Variants in CNTNAP5 observed in about 807,000 individuals in gnomAD.
CNTNAP5 encodes the protein contactin-associated protein-like 5.
Under a neutral mutation model 150.2 loss-of-function variants are expected in CNTNAP5, and 72 were observed. That is an observed-to-expected ratio of 0.48 (90% CI 0.40 to 0.58). The LOEUF is 0.58. Ranked by LOEUF, CNTNAP5 falls within the 20% of genes least tolerant of loss-of-function variation. The pLI, the probability that CNTNAP5 is intolerant of heterozygous loss-of-function variation, is 0.00. For synonymous variants in CNTNAP5, 672 were observed against 619.8 expected, an observed-to-expected ratio of 1.08 and a Z score of -1.25; for missense variants, 1,636 against 1,626.2, an observed-to-expected ratio of 1.01 and a Z score of -0.10.
At chr2:124,372,132 T>G (rs972320633) in intron 3 of CNTNAP5, among the ~76,000 whole-genome samples, 12 of 151,988 alleles carry the variant, frequency 7.9e-5, no homozygotes, top group African/African-American at 2.9e-4. Flanking sequence ...CAGCGCTTCC[T>G]CTCTATCTTC....
At chr2:124,324,075 A>G (rs985695525) in intron 3 of CNTNAP5, among the ~76,000 whole-genome samples, 2 of 152,220 alleles carry the variant, frequency 1.3e-5, no homozygotes, top group Non-Finnish European at 2.9e-5. Context: ...TTGTCTTTTT[A>G]AAGACTTGAC....
chr2:124,480,930 T>G (rs1397361547), intron 7 of CNTNAP5, among the ~76,000 whole-genome samples: 1 of 152,178 alleles, frequency 6.6e-6, no homozygotes, highest in Non-Finnish European at 1.5e-5. Flanking sequence ...TTCAAGGTCA[T>G]ATGAAGAATA....
intron 1 of CNTNAP5, among the ~76,000 whole-genome samples, chr2:124,171,039 T>A (rs974694632): frequency 1.3e-5 from 2 of 152,194 alleles, no homozygotes; most frequent in Non-Finnish European, 2.9e-5. Context: ...TTGATTTTAT[T>A]TTTTATTCAT....
At chr2:124,494,068 GTGTGTGTGTGTGTC>G (rs1311142697) in intron 7 of CNTNAP5, among the ~76,000 whole-genome samples, 1 of 148,274 alleles carries the variant, frequency 6.7e-6, no homozygotes, top group Non-Finnish European at 1.5e-5. Flanking sequence ...GAGACTGTGT[GTGTGTGTGTGTGTC>G]TGTGTGTGTG....
Position 124,902,821 on chromosome 2 carries a change from A to G in CNTNAP5, c.3437-61A>G. On this transcript the variant is annotated intron_variant, in intron 21 of 23. Coordinates refer to ENST00000682447, the MANE Select transcript of CNTNAP5 (RefSeq NM_001367498.1). Reference sequence around the variant, plus strand: ...TTTAGATACTACTCAAAGAGGACCCAGCATATAATTTGGAAAAAACAAAAA... The same window carrying G: ...TTTAGATACTACTCAAAGAGGACCCGGCATATAATTTGGAAAAAACAAAAA... 6 of 1,180,248 alleles carry G rather than the reference A, an allele frequency of 5.1e-6. No homozygotes were observed. In the South Asian group the frequency reaches 8.9e-5, roughly 18 times the overall value. The allele number at this position is 1,180,248 out of a possible 1,614,324, so 73.1% of individuals were successfully genotyped here.
intron 15 of CNTNAP5, 58 bp downstream of exon 15, chr2:124,763,857 T>G (rs1413252682): frequency 1.9e-6 from 3 of 1,609,018 alleles, no homozygotes; most frequent in Non-Finnish European, 2.5e-6. Context: ...AAGATGTTCT[T>G]ACTCCCTTAT....
Position 124,764,278 on chromosome 2 carries a change from T to C in CNTNAP5, c.2533+131T>C, listed in dbSNP as rs151291397. The C allele has an allele frequency of 6.1e-5, 42 of 682,936 alleles. No homozygotes were observed. In the Admixed American group the frequency reaches 1.1e-3, roughly 17 times the overall value. The allele number at this position is 682,936 out of a possible 1,614,324, so 42.3% of individuals were successfully genotyped here. A position where few individuals can be genotyped will look rare whatever the true frequency, so the allele number is the denominator to read the frequency against. ...CACTGGACATCTGTAAAATTAGCAG[T>C]GATAATGTCTAGTTCCTTCTGATGC... is the stretch of plus-strand genomic sequence containing the variant. On this transcript the variant is annotated intron_variant, in intron 16 of 23. Coordinates refer to ENST00000682447, the MANE Select transcript of CNTNAP5 (RefSeq NM_001367498.1).
At chr2:124,579,484 G>A (rs1696364044) in intron 11 of CNTNAP5, among the ~76,000 whole-genome samples, 1 of 152,208 alleles carries the variant, frequency 6.6e-6, no homozygotes, top group African/African-American at 2.4e-5. Flanking sequence ...CGTAGAGACT[G>A]CTTAGCTAAA....
chr2:124,132,727 T>C (rs1490624937), intron 1 of CNTNAP5, among the ~76,000 whole-genome samples: 1 of 152,176 alleles, frequency 6.6e-6, no homozygotes, highest in Non-Finnish European at 1.5e-5. Flanking sequence ...TCATTTCAAT[T>C]TTCTCACCTG....
chr2:124,638,113 G>A (rs1333882094), intron 12 of CNTNAP5, among the ~76,000 whole-genome samples: 1 of 151,184 alleles, frequency 6.6e-6, no homozygotes, highest in Non-Finnish European at 1.5e-5. Flanking sequence ...AGTTCATAAG[G>A]TTATTTACAA....
intron 1 of CNTNAP5, among the ~76,000 whole-genome samples, chr2:124,210,884 T>C (rs1442336440): frequency 6.6e-6 from 1 of 152,174 alleles, no homozygotes; most frequent in African/African-American, 2.4e-5. Flanking sequence ...TGAACTTGAA[T>C]GAAATTCAAA....
chr2:124,498,092 C>A (rs910163826), intron 7 of CNTNAP5, among the ~76,000 whole-genome samples: 17 of 152,148 alleles, frequency 1.1e-4, no homozygotes, highest in African/African-American at 3.9e-4. Context: ...CAGAGGAAAG[C>A]TTTTAGGTGG....
chr2:124,101,646 A>C (rs1487479332), intron 1 of CNTNAP5, among the ~76,000 whole-genome samples: 1 of 152,210 alleles, frequency 6.6e-6, no homozygotes, highest in Non-Finnish European at 1.5e-5. Flanking sequence ...TTCCCTGCTT[A>C]TAAAAAACAT....
intron 1 of CNTNAP5, among the ~76,000 whole-genome samples, chr2:124,121,314 G>A (rs569442072): frequency 4.5e-4 from 69 of 152,198 alleles, no homozygotes; most frequent in African/African-American, 1.2e-3. Flanking sequence ...TCATCAGTGC[G>A]AACCCTGACC....
intron 1 of CNTNAP5, among the ~76,000 whole-genome samples, chr2:124,150,848 CATTT>C (rs1684388948): frequency 6.6e-6 from 1 of 152,162 alleles, no homozygotes; most frequent in Non-Finnish European, 1.5e-5. Flanking sequence ...GGGGCACAAA[CATTT>C]AGTCCGTAGT....
rs546265963 is a variant in CNTNAP5, at chr2:124,082,690, A to G, written c.82+56958A>G. Among the ~76,000 whole-genome samples the G allele has an allele frequency of 3.9e-5, 6 of 152,344 alleles. No individual in the cohort carries two copies. The South Asian group carries it at 1.2e-3, about 32-fold the overall frequency. On this transcript the variant is annotated intron_variant, in intron 1 of 23. Transcript: ENST00000682447. ...TCAAGAAGTACAATTGTTGGGCCATATGGCAGTGGCATGTATACTTTTTAA... is the reference window on the plus strand; with the variant it reads ...TCAAGAAGTACAATTGTTGGGCCATGTGGCAGTGGCATGTATACTTTTTAA...
rs1243106854 is a variant in CNTNAP5, at chr2:124,371,743, C to CAAGAA, written c.382-45700_382-45699insAAGAA. On this transcript the variant is annotated intron_variant, in intron 3 of 23. Coordinates refer to ENST00000682447, the MANE Select transcript of CNTNAP5 (RefSeq NM_001367498.1). ...AAATCATACATGTAATCTTAACATA[C>CAAGAA]TATACATAAATTCTTAGCCAATGGG... Among the ~76,000 whole-genome samples, 432 of 152,150 alleles carry CAAGAA rather than the reference C, an allele frequency of 2.8e-3. 4 individuals carry two copies. The East Asian group carries it at 0.033, about 12-fold the overall frequency.
At chr2:124,802,636 T>C (rs1681993840) in intron 19 of CNTNAP5, among the ~76,000 whole-genome samples, 1 of 152,154 alleles carries the variant, frequency 6.6e-6, no homozygotes, top group South Asian at 2.1e-4. Flanking sequence ...GAAAGGGAGA[T>C]GAGCTCATTC....
chr2:124,904,880 G>A (rs921923292), intron 22 of CNTNAP5, among the ~76,000 whole-genome samples: 3 of 151,446 alleles, frequency 2.0e-5, no homozygotes, highest in African/African-American at 7.3e-5. Flanking sequence ...TTTAAAAAAT[G>A]GGACTGCATG....
Sources: gnomAD v4.1 joint callset for allele counts (sites outside exome capture counted in the v4.1 genomes callset) on GRCh38, gnomAD v4.1.1 for gene constraint, MANE v1.5 for transcripts, NCBI Gene and HGNC (gene_info 2026-07-23, HGNC 2026-07-21) for gene names.